The following MTCH2 variants were observed in gnomAD, a reference collection of about 807,000 sequenced individuals.
MTCH2 encodes mitochondrial carrier homolog 2.
MTCH2 carries 25 observed loss-of-function variants against 50.6 expected under a neutral mutation model. That is an observed-to-expected ratio of 0.49 (90% CI 0.36 to 0.69). The LOEUF is 0.69. Ranked by LOEUF, MTCH2 falls within the 30% of genes least tolerant of loss-of-function variation. The pLI is 0.00. For missense variants in MTCH2, 273 were observed against 384.4 expected, an observed-to-expected ratio of 0.71 and a Z score of 2.42; for synonymous variants, 106 against 132.0, an observed-to-expected ratio of 0.80 and a Z score of 1.35.
intron 3 of MTCH2, among the ~76,000 whole-genome samples, chr11:47,635,795 T>C (rs566580501): frequency 4.6e-5 from 7 of 152,014 alleles, no homozygotes; most frequent in South Asian, 4.2e-4. Flanking sequence ...TATTGGTCAG[T>C]TGGAAGAAAA....
chr11:47,641,278 T>C (rs2097313952), intron 1 of MTCH2, among the ~76,000 whole-genome samples: 1 of 152,246 alleles, frequency 6.6e-6, no homozygotes, highest in Non-Finnish European at 1.5e-5. Context: ...GATGTTACAG[T>C]ACATTCTAAT....
the MTCH2 span, among the ~76,000 whole-genome samples, chr11:47,607,056 T>C: frequency 1.3e-5 from 2 of 152,160 alleles, no homozygotes; most frequent in African/African-American, 4.8e-5. Context: ...TGTGCTGTGG[T>C]GTAAAGCTTG....
chr11:47,621,240 T>C (rs1465027302), intron 12 of MTCH2, among the ~76,000 whole-genome samples: 1 of 152,148 alleles, frequency 6.6e-6, no homozygotes, highest in Non-Finnish European at 1.5e-5. Flanking sequence ...GGCCTTTTCA[T>C]TCAGATTTCA....
intron 11 of MTCH2, among the ~76,000 whole-genome samples, chr11:47,624,181 G>A (rs1393142003): frequency 6.7e-6 from 1 of 150,110 alleles, no homozygotes; most frequent in African/African-American, 2.5e-5. Context: ...GCAGTGAGTC[G>A]AGATTGCACC....
At chr11:47,635,456 C>T (rs2097307672) in intron 4 of MTCH2, 89 bp downstream of exon 4, 3 of 1,409,398 alleles carry the variant, frequency 2.1e-6, no homozygotes, top group Non-Finnish European at 3.0e-6. Context: ...AGGAGACTGA[C>T]TACTTGGCTT....
chr11:47,617,302 A>G (rs1457945733), downstream of MTCH2: 2 of 152,248 alleles, frequency 1.3e-5, no homozygotes, highest in Non-Finnish European at 2.9e-5. Context: ...CAGAAGCCAC[A>G]GGATAAACAT....
chr11:47,617,597 G>A lies in MTCH2; in HGVS notation c.*1236C>T, dbSNP rs1056383564. 6 of 152,552 alleles carry A rather than the reference G, an allele frequency of 3.9e-5. No homozygotes were observed. The highest frequency in any genetic ancestry group is 3.3e-4 in the Admixed American group (5 of 15,260). The allele number at this position is 152,552 out of a possible 1,614,324, so 9.4% of individuals were successfully genotyped here. On this transcript the variant is annotated 3_prime_UTR_variant, in exon 13 of 13. Coordinates refer to ENST00000302503, the MANE Select transcript of MTCH2 (RefSeq NM_014342.4). ...AAGTCTCAGAAGCAGCGAATTAAGTGCTTACTCATTTGGCAATGTCCCAGT... is the reference window on the plus strand; with the variant it reads ...AAGTCTCAGAAGCAGCGAATTAAGTACTTACTCATTTGGCAATGTCCCAGT...
intron 8 of MTCH2, among the ~76,000 whole-genome samples, chr11:47,629,568 C>T (rs1363614939): frequency 2.0e-5 from 3 of 152,024 alleles, no homozygotes; most frequent in Admixed American, 6.6e-5. Context: ...CATTTCCCCA[C>T]GGATTGAAGA....
the MTCH2 span, among the ~76,000 whole-genome samples, chr11:47,609,626 C>CAAAAAAA: frequency 1.0e-3 from 90 of 88,098 alleles, no homozygotes; most frequent in Non-Finnish European, 1.5e-3. Flanking sequence ...GACTCTGTCT[C>CAAAAAAA]AAAAAAAAAA....
At chr11:47,613,690 A>G (rs2097286797), downstream of MTCH2, among the ~76,000 whole-genome samples, 1 of 151,172 alleles carries the variant, frequency 6.6e-6, no homozygotes, top group African/African-American at 2.4e-5. Context: ...CTGCAGAGGC[A>G]AGATCTGTCT....
At chr11:47,609,181 G>A in the MTCH2 span, among the ~76,000 whole-genome samples, 125 of 149,950 alleles carry the variant, frequency 8.3e-4, no homozygotes, top group African/African-American at 2.7e-3. Flanking sequence ...GAGCCCGGGC[G>A]CGGTGGCTCA....
chr11:47,609,698 T>A, the MTCH2 span, among the ~76,000 whole-genome samples: 1 of 146,844 alleles, frequency 6.8e-6, no homozygotes, highest in Non-Finnish European at 1.5e-5. Context: ...CAAAAAGCAG[T>A]ATTTTATCCT....
chr11:47,641,519 A>G (rs2097314183), intron 1 of MTCH2, among the ~76,000 whole-genome samples: 1 of 152,102 alleles, frequency 6.6e-6, no homozygotes, highest in Non-Finnish European at 1.5e-5. Context: ...AATTATGTCA[A>G]CTCTCAGTAA....
chr11:47,633,635 C>T (rs2097305753), intron 5 of MTCH2, among the ~76,000 whole-genome samples: 1 of 147,180 alleles, frequency 6.8e-6, no homozygotes. Context: ...CTCCCGGGTT[C>T]AAGCCATTCT....
chr11:47,604,988 T>TGGCGAGATCTTGGCTCAC, the MTCH2 span, among the ~76,000 whole-genome samples: 3 of 152,070 alleles, frequency 2.0e-5, no homozygotes, highest in African/African-American at 7.2e-5. Flanking sequence ...TGGAGTGCAG[T>TGGCGAGATCTTGGCTCAC]GGCGAGATCT....
chr11:47,629,068 A>T (rs765531526), intron 8 of MTCH2, 22 bp from the exon 9 acceptor site: 1 of 1,587,074 alleles, frequency 6.3e-7, no homozygotes, highest in South Asian at 1.1e-5. Context: ...AACAATAAAA[A>T]TAAGAACCAA....
At chr11:47,634,933 C>T (rs2097307145) in intron 4 of MTCH2, among the ~76,000 whole-genome samples, 199 bp from the exon 5 acceptor site, 1 of 151,996 alleles carries the variant, frequency 6.6e-6, no homozygotes, top group Admixed American at 6.6e-5. Flanking sequence ...CCACCACGCC[C>T]TGCTAATTTT....
rs1461150735 is a variant in MTCH2 at position 47,619,053 on chromosome 11, G to A, written c.826-134C>T. ...AACTGGGACTATCACTACAGAACAA[G>A]GATTAGTATTCTCTGAAAGGCTGAG... On this transcript the variant is annotated intron_variant, in intron 12 of 12. Coordinates refer to ENST00000302503, the MANE Select transcript of MTCH2 (RefSeq NM_014342.4). 8 of 740,476 alleles carry A rather than the reference G, an allele frequency of 1.1e-5. No homozygotes were observed. In the East Asian group the frequency reaches 1.8e-4, roughly 17 times the overall value. The allele number at this position is 740,476 out of a possible 1,614,324, so 45.9% of individuals were successfully genotyped here.
the MTCH2 span, among the ~76,000 whole-genome samples, chr11:47,606,668 A>G: frequency 4.6e-5 from 7 of 152,098 alleles, no homozygotes; most frequent in Non-Finnish European, 1.0e-4. Flanking sequence ...TTCTGGGATT[A>G]TTTATTTATC....
Sources: gnomAD v4.1 joint callset for allele counts (sites outside exome capture counted in the v4.1 genomes callset) on GRCh38, gnomAD v4.1.1 for gene constraint, MANE v1.5 for transcripts, NCBI Gene and HGNC (gene_info 2026-07-23, HGNC 2026-07-21) for gene names.